PTPRT: variants seen among roughly 807,000 people sequenced by gnomAD.
The protein encoded by PTPRT is receptor-type tyrosine-protein phosphatase T.
A neutral mutation model predicts 176.8 loss-of-function variants in PTPRT; 56 were observed. The ratio of observed to expected loss-of-function variants is 0.32; its 90% CI spans 0.26 to 0.40. The LOEUF is 0.40. PTPRT is among the 10% of genes least tolerant of loss of function. The pLI is 1.00. For synonymous variants in PTPRT, 783 were observed against 739.0 expected (o/e 1.06, Z -0.96); for missense variants, 1,540 against 1,908.2 (o/e 0.81, Z 3.60).
chr20:42,180,665 A>C (rs1990479732), intron 16 of PTPRT, among the ~76,000 whole-genome samples: 1 of 152,202 alleles, frequency 6.6e-6, no homozygotes, highest in African/African-American at 2.4e-5. Context: ...ACCTTGTTGA[A>C]TAAATGAGTG....
At position 42,678,145 on chromosome 20, in the gene PTPRT, T is replaced by C; in HGVS notation, c.874A>G (p.Ile292Val). ...ELIVKEPPTP[I>V]APPELLAVGA... ...ACAGCCAGCAGCTCTGGGGGAGCAA[T>C]GGGCGTGGGAGGCTCTGTAAGACAA... is the stretch of plus-strand genomic sequence containing the variant. Residue 292 changes from isoleucine to valine, a missense_variant, in exon 7 of 31, where the codon ATT (isoleucine) becomes GTT (valine). Around this residue, in one of 11 missense-constraint regions of PTPRT, gnomAD observed 273 missense variants for 432.1 expected, o/e 0.63. Coordinates refer to ENST00000373187, the MANE Select transcript of PTPRT (RefSeq NM_007050.6). The C allele has an allele frequency of 1.9e-6, 3 of 1,613,602 alleles. No individual in the cohort carries two copies. Among genetic ancestry groups the C allele is most frequent in the Non-Finnish European group, 2.5e-6 (3 of 1,179,748 alleles).
chr20:43,186,425 C>T (rs962028300), intron 1 of PTPRT, among the ~76,000 whole-genome samples: 3 of 151,454 alleles, frequency 2.0e-5, no homozygotes, highest in East Asian at 2.0e-4. Context: ...AGGACCACCG[C>T]CTACACAGCA....
intron 1 of PTPRT, among the ~76,000 whole-genome samples, chr20:42,927,476 C>T (rs903174648): frequency 1.3e-5 from 2 of 152,186 alleles, no homozygotes; most frequent in African/African-American, 4.8e-5. Context: ...ACAAGAGAAT[C>T]GCTTCTACCT....
intron 2 of PTPRT, among the ~76,000 whole-genome samples, chr20:42,803,456 C>A (rs911337755): frequency 6.6e-6 from 1 of 152,256 alleles, no homozygotes; most frequent in African/African-American, 2.4e-5. Context: ...TTCCTGTCCA[C>A]TGGATGTTCC....
chr20:42,062,892 CAG>C, the PTPRT span, among the ~76,000 whole-genome samples: 1,338 of 152,350 alleles, frequency 8.8e-3, 20 homozygotes, highest in African/African-American at 0.03. Context: ...GCCTGTGTCT[CAG>C]GGAGCTATGA....
chr20:42,221,681 G>GA (rs1240845204), intron 15 of PTPRT, among the ~76,000 whole-genome samples: 1 of 151,926 alleles, frequency 6.6e-6, no homozygotes, highest in East Asian at 1.9e-4. Flanking sequence ...CACCATGCCT[G>GA]ACTAATTTTT....
chr20:42,796,509 A>G (rs2077456644), intron 2 of PTPRT, among the ~76,000 whole-genome samples: 1 of 152,212 alleles, frequency 6.6e-6, no homozygotes, highest in Admixed American at 6.5e-5. Flanking sequence ...AACCAACACA[A>G]TGAAGATTTA....
At position 42,717,413 on chromosome 20, in the gene PTPRT, A is replaced by G. The variant is rs1427705967; in HGVS notation, c.859+39049T>C. On this transcript the variant is annotated intron_variant, in intron 6 of 30. Coordinates refer to ENST00000373187, the MANE Select transcript of PTPRT (RefSeq NM_007050.6). ...TTCAACTGAAATCAGCTGGGGAAAG[A>G]TGATATTTTTAACAAGAGTCCTGGG... Among the ~76,000 whole-genome samples the G allele has an allele frequency of 2.0e-5, 3 of 152,296 alleles. No homozygotes were observed. In the East Asian group the frequency reaches 5.8e-4, roughly 29 times the overall value.
intron 13 of PTPRT, among the ~76,000 whole-genome samples, chr20:42,250,217 C>A (rs113408393): frequency 6.6e-6 from 1 of 152,188 alleles, no homozygotes; most frequent in African/African-American, 2.4e-5. Flanking sequence ...GGCAAGATTA[C>A]GCCTCGTTTA....
Position 42,863,718 on chromosome 20 carries a change from C to T in PTPRT, c.214+22089G>A, listed in dbSNP as rs146448972. Among the ~76,000 whole-genome samples the T allele has an allele frequency of 2.5e-3, 376 of 152,300 alleles. 1 individual carries two copies. Among genetic ancestry groups the T allele is most frequent in the African/African-American group, 8.6e-3 (356 of 41,560 alleles). Reference sequence around the variant, plus strand: ...CATCCCCTAACCTGACTCCCTGCCCCCTAATTACAACACACGGATCTTGAA... The same window carrying T: ...CATCCCCTAACCTGACTCCCTGCCCTCTAATTACAACACACGGATCTTGAA... On this transcript the variant is annotated intron_variant, in intron 2 of 30. Coordinates refer to ENST00000373187, the MANE Select transcript of PTPRT (RefSeq NM_007050.6).
chr20:42,102,360 C>T lies in PTPRT; in HGVS notation c.3541-63G>A, dbSNP rs1177401158. ...TTTGGCTGCCCCTGAGCAAAAGAGA[C>T]AGTAATGTTCCAACTCAGCCTAACT... On this transcript the variant is annotated intron_variant, in intron 25 of 30. Coordinates refer to ENST00000373187, the MANE Select transcript of PTPRT (RefSeq NM_007050.6). 3.9e-6 allele frequency: 6 copies of T among 1,537,240 alleles called. No individual in the cohort carries two copies. In the African/African-American group the frequency reaches 4.1e-5, roughly 10 times the overall value.
At chr20:42,431,292 C>A (rs1328276128) in intron 9 of PTPRT, among the ~76,000 whole-genome samples, 3 of 152,162 alleles carry the variant, frequency 2.0e-5, no homozygotes, top group African/African-American at 7.2e-5. Context: ...TCAACCAGAT[C>A]TGAAGGTCAT....
At chr20:42,132,279 T>C (rs1988157885) in intron 18 of PTPRT, among the ~76,000 whole-genome samples, 1 of 152,230 alleles carries the variant, frequency 6.6e-6, no homozygotes, top group African/African-American at 2.4e-5. Flanking sequence ...TTGATCTCTC[T>C]TAGCTTTGGT....
intron 15 of PTPRT, among the ~76,000 whole-genome samples, chr20:42,229,878 G>GAGTA (rs2056098503): frequency 6.6e-6 from 1 of 152,048 alleles, no homozygotes; most frequent in South Asian, 2.1e-4. Flanking sequence ...TTCAAGAACA[G>GAGTA]AGTACCACCC....
At chr20:42,051,408 G>C in the PTPRT span, among the ~76,000 whole-genome samples, 6 of 152,214 alleles carry the variant, frequency 3.9e-5, no homozygotes, top group Non-Finnish European at 8.8e-5. Context: ...ATGGGGAAGT[G>C]AGGCAAGGAG....
At chr20:42,353,016 G>T (rs990490581) in intron 9 of PTPRT, among the ~76,000 whole-genome samples, 1 of 152,114 alleles carries the variant, frequency 6.6e-6, no homozygotes, top group Non-Finnish European at 1.5e-5. Context: ...ATTTCAATCT[G>T]TAGACAACAT....
intron 1 of PTPRT, among the ~76,000 whole-genome samples, chr20:43,012,992 T>C (rs536491340): frequency 1.3e-5 from 2 of 152,152 alleles, no homozygotes; most frequent in Admixed American, 1.3e-4. Context: ...CAGGAATCCC[T>C]GCCTCAGGCT....
At chr20:42,062,018 A>G in the PTPRT span, among the ~76,000 whole-genome samples, 1 of 152,348 alleles carries the variant, frequency 6.6e-6, no homozygotes, top group African/African-American at 2.4e-5. Context: ...AGGTCCCATC[A>G]GGGAGGTGCC....
At chr20:42,581,012 A>G (rs182251770) in intron 7 of PTPRT, among the ~76,000 whole-genome samples, 4 of 152,214 alleles carry the variant, frequency 2.6e-5, no homozygotes, top group East Asian at 3.9e-4. Context: ...CTCCAGGTAC[A>G]TTCCTGACTT....
Sources: gnomAD v4.1 joint callset for allele counts (sites outside exome capture counted in the v4.1 genomes callset) on GRCh38, gnomAD v4.1.1 for gene constraint, gnomAD v4.1.1 regional missense constraint, MANE v1.5 for transcripts, NCBI Gene and HGNC (gene_info 2026-07-23, HGNC 2026-07-21) for gene names.